DCC: variants seen among roughly 807,000 people sequenced by gnomAD.
DCC encodes the protein netrin receptor DCC.
Under a neutral mutation model 172.5 loss-of-function variants are expected in DCC, and 58 were observed. That is an observed-to-expected ratio of 0.34 (90% CI 0.27 to 0.42). The LOEUF is 0.42. Among genes scored for constraint, DCC ranks in the 10% least tolerant of loss-of-function variants. The probability of loss-of-function intolerance (pLI) is 1.00; values close to 1 mark genes in which losing one functional copy is unlikely to be tolerated. For missense variants in DCC, 1,740 were observed against 1,791.0 expected, an observed-to-expected ratio of 0.97 and a Z score of 0.51; for synonymous variants, 709 against 644.5, an observed-to-expected ratio of 1.10 and a Z score of -1.52.
At chr18:53,043,305 G>A (rs995061721) in intron 5 of DCC, among the ~76,000 whole-genome samples, 21 of 149,328 alleles carry the variant, frequency 1.4e-4, no homozygotes, top group African/African-American at 5.2e-4. Flanking sequence ...ACACAGTGGG[G>A]CCTGCTGGGG....
chr18:52,755,813 G>C (rs898486126), intron 2 of DCC, among the ~76,000 whole-genome samples: 2 of 151,762 alleles, frequency 1.3e-5, no homozygotes, highest in African/African-American at 4.8e-5. Context: ...TTCTCAAAGT[G>C]TCTTTTGATA....
At position 53,014,558 on chromosome 18, in the gene DCC, C is replaced by A. The variant is rs368385155; in HGVS notation, c.986-48747C>A. On this transcript the variant is annotated intron_variant, in intron 5 of 28. Coordinates refer to ENST00000442544, the MANE Select transcript of DCC (RefSeq NM_005215.4). ...TGCAGTGTTTGGTTTTTTGTCCTTG[C>A]GATAGTTTGCTGAGAATGATGGGGG... Among the ~76,000 whole-genome samples the A allele has an allele frequency of 3.1e-4, 46 of 149,192 alleles. No individual in the cohort carries two copies. The East Asian group carries it at 8.7e-3, about 28-fold the overall frequency.
At chr18:52,534,221 T>G (rs1386417430) in intron 1 of DCC, among the ~76,000 whole-genome samples, 1 of 152,154 alleles carries the variant, frequency 6.6e-6, no homozygotes, top group Non-Finnish European at 1.5e-5. Flanking sequence ...TATTAGATAT[T>G]TGATGTGTGT....
chr18:52,404,970 T>C (rs969450885), intron 1 of DCC, among the ~76,000 whole-genome samples: 1 of 151,978 alleles, frequency 6.6e-6, no homozygotes, highest in Non-Finnish European at 1.5e-5. Flanking sequence ...ATTTCATCCA[T>C]GTCCCTACAA....
chr18:52,832,609 A>C (rs2145298304), intron 2 of DCC, among the ~76,000 whole-genome samples: 1 of 152,250 alleles, frequency 6.6e-6, no homozygotes, highest in South Asian at 2.1e-4. Flanking sequence ...TTCAATATTA[A>C]GTTTGGTAGA....
At chr18:53,477,299 G>A (rs147468283) in intron 25 of DCC, among the ~76,000 whole-genome samples, 28 of 152,294 alleles carry the variant, frequency 1.8e-4, no homozygotes, top group African/African-American at 6.3e-4. Context: ...ATGAGCCACT[G>A]TGCCTGGCCC....
intron 12 of DCC, among the ~76,000 whole-genome samples, chr18:53,264,069 C>T (rs1435006516): frequency 6.6e-6 from 1 of 152,128 alleles, no homozygotes; most frequent in Admixed American, 6.5e-5. Flanking sequence ...ACCCACAAAT[C>T]CCATCAGCAT....
At chr18:52,469,121 G>A (rs1481314747) in intron 1 of DCC, among the ~76,000 whole-genome samples, 2 of 151,950 alleles carry the variant, frequency 1.3e-5, no homozygotes, top group Non-Finnish European at 2.9e-5. Flanking sequence ...GCAGTGGCGC[G>A]ATCTCAGCTC....
At chr18:52,676,446 C>T (rs1443671401) in intron 1 of DCC, among the ~76,000 whole-genome samples, 1 of 152,078 alleles carries the variant, frequency 6.6e-6, no homozygotes, top group East Asian at 1.9e-4. Flanking sequence ...AAATTGTATC[C>T]TCACATGTAA....
At chr18:53,224,783 GA>G in intron 12 of DCC, among the ~76,000 whole-genome samples, 1 of 152,266 alleles carries the variant, frequency 6.6e-6, no homozygotes. Flanking sequence ...AATGAGATAA[GA>G]TTTGGTTTAG....
chr18:53,142,009 C>T (rs191195130), intron 7 of DCC, among the ~76,000 whole-genome samples: 81 of 152,306 alleles, frequency 5.3e-4, no homozygotes, highest in African/African-American at 1.8e-3. Context: ...CCTTGTGATT[C>T]GCTTAGTCCA....
chr18:53,395,830 A>G (rs1223100788), intron 17 of DCC, among the ~76,000 whole-genome samples: 1 of 152,062 alleles, frequency 6.6e-6, no homozygotes, highest in Non-Finnish European at 1.5e-5. Flanking sequence ...TTTAATAGAG[A>G]TGGGGTTTCA....
chr18:52,348,825 A>T (rs905783363), intron 1 of DCC, among the ~76,000 whole-genome samples: 9 of 152,170 alleles, frequency 5.9e-5, no homozygotes, highest in African/African-American at 2.2e-4. Context: ...GTTGGAAAAG[A>T]CATTCTTAGT....
At chr18:53,446,789 C>A (rs1912637720) in intron 22 of DCC, among the ~76,000 whole-genome samples, 1 of 152,094 alleles carries the variant, frequency 6.6e-6, no homozygotes, top group South Asian at 2.1e-4. Context: ...CGTTTCAGCC[C>A]CCATACTATA....
At chr18:52,672,641 T>C (rs576347295) in intron 1 of DCC, among the ~76,000 whole-genome samples, 34 of 151,424 alleles carry the variant, frequency 2.2e-4, no homozygotes, top group African/African-American at 8.0e-4. Flanking sequence ...CCCTCTTTCC[T>C]CTTTTTCCCC....
At chr18:53,365,593 T>C (rs4378680) in intron 15 of DCC, among the ~76,000 whole-genome samples, 1,855 of 152,192 alleles carry the variant, frequency 0.012, 28 homozygotes, top group Non-Finnish European at 0.019. Flanking sequence ...AGCTGTTGGG[T>C]AAAGGAAGAG....
chr18:52,796,729 T>C (rs1045159933), intron 2 of DCC, among the ~76,000 whole-genome samples: 4 of 152,196 alleles, frequency 2.6e-5, no homozygotes, highest in African/African-American at 7.2e-5. Flanking sequence ...TGATGCTTTT[T>C]CTCTTGCTGT....
chr18:53,475,877 A>G (rs1490501556), intron 25 of DCC, among the ~76,000 whole-genome samples: 1 of 152,100 alleles, frequency 6.6e-6, no homozygotes, highest in African/African-American at 2.4e-5. Flanking sequence ...ATGCCAGCTC[A>G]TGAAAGCAGC....
chr18:53,404,460 G>A (rs7227758), intron 19 of DCC, among the ~76,000 whole-genome samples: 11,356 of 151,986 alleles, frequency 0.075, 809 homozygotes, highest in African/African-American at 0.18. Context: ...GACTGGGCGC[G>A]GTGGCTCACA....
Sources: gnomAD v4.1 joint callset for allele counts (sites outside exome capture counted in the v4.1 genomes callset) on GRCh38, gnomAD v4.1.1 for gene constraint, MANE v1.5 for transcripts, NCBI Gene and HGNC (gene_info 2026-07-23, HGNC 2026-07-21) for gene names.